SIPA1: variants seen among roughly 807,000 people sequenced by gnomAD.
SIPA1 encodes the protein signal-induced proliferation-associated 1, also known as signal-induced proliferation-associated protein 1.
A neutral mutation model predicts 88.1 loss-of-function variants in SIPA1; 51 were observed. The ratio of observed to expected loss-of-function variants is 0.58; its 90% CI spans 0.46 to 0.73. The LOEUF (loss-of-function observed/expected upper bound fraction) is 0.73. Ranked by LOEUF, SIPA1 falls within the 30% of genes least tolerant of loss-of-function variation. The pLI is 0.00. For synonymous variants in SIPA1, 681 were observed against 664.8 expected, an observed-to-expected ratio of 1.02 and a Z score of -0.37; for missense variants, 1,348 against 1,467.6, an observed-to-expected ratio of 0.92 and a Z score of 1.33.
chr11:65,645,140 G>C lies in SIPA1; in HGVS notation c.1159+11G>C. ...AGCTAGACACCAAAAGTGAGGCCCAGGGGCAGGAGGGGTGGGAGCAGATCT... is the reference window on the plus strand; with the variant it reads ...AGCTAGACACCAAAAGTGAGGCCCACGGGCAGGAGGGGTGGGAGCAGATCT... On this transcript the variant is annotated intron_variant, in intron 5 of 15. Transcript: ENST00000534313. 6.2e-7 allele frequency: 1 copy of C among 1,611,608 alleles called. No individual in the cohort carries two copies. The highest frequency in any genetic ancestry group is 8.5e-7 in the Non-Finnish European group (1 of 1,178,402).
In SIPA1 at chr11:65,645,052, T is replaced by C. The variant is rs1481267439; in HGVS notation, c.1082T>C (p.Met361Thr). The change falls in exon 5 of 16, where the codon ATG (methionine) becomes ACG (threonine). Residue 361 changes from methionine (M) to threonine (T), a missense_variant. Coordinates refer to ENST00000534313, the MANE Select transcript of SIPA1 (RefSeq NM_006747.4). ...YNNQEAGPAF[M>T]QFLTLLGDVV... is the part of the protein sequence containing the mutation. Reference sequence around the variant, plus strand: ...AACCAGGAGGCGGGACCGGCCTTCATGCAGTTTCTCACCTTGCTGGGCGAT... The same window carrying C: ...AACCAGGAGGCGGGACCGGCCTTCACGCAGTTTCTCACCTTGCTGGGCGAT... 1.2e-6 allele frequency: 2 copies of C among 1,614,060 alleles called. No individual in the cohort carries two copies. Among genetic ancestry groups the C allele is most frequent in the Admixed American group, 1.7e-5 (1 of 60,010 alleles).
At position 65,641,403 on chromosome 11, in the gene SIPA1, G is replaced by A. The variant is rs188442678; in HGVS notation, c.482G>A (p.Gly161Glu). The A allele has an allele frequency of 3.0e-4, 476 of 1,613,168 alleles. 5 individuals are homozygous for A. In the East Asian group the frequency reaches 9.4e-3, roughly 32 times the overall value. ...GCTGCCAGCTCGGACCTGCTGCATGGGGCACCTGGCTTTGTGTGTGAGCTC... is the reference window on the plus strand; with the variant it reads ...GCTGCCAGCTCGGACCTGCTGCATGAGGCACCTGGCTTTGTGTGTGAGCTC... Reference protein sequence around the residue: ...DQAASSDLLHGAPGFVCELGG... With the variant: ...DQAASSDLLHEAPGFVCELGG... Residue 161 changes from glycine to glutamate, a missense_variant, in exon 2 of 16, where the codon GGG becomes GAG. By Grantham distance (98) the Gly-to-Glu change is moderately conservative (BLOSUM62 -2). Around this residue, in one of 4 missense-constraint regions of SIPA1, gnomAD observed 641 missense variants for 797.7 expected, o/e 0.80. Transcript: ENST00000534313.
chr11:65,642,133 G>A lies in SIPA1; in HGVS notation c.680-117G>A. ...TACAGAGGGGCGGGACTTAGTCTAG[G>A]GTCAACATTTGGTGGTGAGATGAAG... On this transcript the variant is annotated intron_variant, in intron 2 of 15. Transcript: ENST00000534313. The surrounding 1 kb of genome is among the most constrained non-coding windows in gnomAD (Gnocchi z 6.5). 1 of 1,381,290 alleles carries A rather than the reference G, an allele frequency of 7.2e-7. No homozygotes were observed. Among genetic ancestry groups the A allele is most frequent in the Non-Finnish European group, 9.8e-7 (1 of 1,018,410 alleles). The allele number at this position is 1,381,290 out of a possible 1,614,324, so 85.6% of individuals were successfully genotyped here. A position where few individuals can be genotyped will look rare whatever the true frequency, so the allele number is the denominator to read the frequency against.
At position 65,645,973 on chromosome 11, in the gene SIPA1, A is replaced by G. The variant is rs1359269470; in HGVS notation, c.1263+16A>G. On this transcript the variant is annotated intron_variant, in intron 6 of 15. Coordinates refer to ENST00000534313, the MANE Select transcript of SIPA1 (RefSeq NM_006747.4). ...CCAGCAGCAGGTGTGAGGGGGACCA[A>G]CGTGGGGGTGGGGCTTCCGGGAACC... The G allele has an allele frequency of 5.1e-6, 8 of 1,581,006 alleles. No individual in the cohort carries two copies. The highest frequency in any genetic ancestry group is 1.7e-6 in the Non-Finnish European group (2 of 1,153,710).
rs1590924447 is a variant in SIPA1 at position 65,647,796 on chromosome 11, T to TA, written c.2306+139dup. On this transcript the variant is annotated intron_variant, in intron 9 of 15. Transcript: ENST00000534313. ...CTTCTGGAAAGAATCTCCCGTCTCT[T>TA]AGCCCGTCTGAGCCTGTCTCTTCCT... The TA allele has an allele frequency of 6.6e-6, 4 of 609,214 alleles. No individual in the cohort carries two copies. In the East Asian group the frequency reaches 1.7e-4, roughly 26 times the overall value. The allele number at this position is 609,214 out of a possible 1,614,324, so 37.7% of individuals were successfully genotyped here. A position where few individuals can be genotyped will look rare whatever the true frequency, so the allele number is the denominator to read the frequency against.
chr11:65,650,505 G>A (rs747373623), intron 15 of SIPA1, 26 bp downstream of exon 15: 12 of 1,613,650 alleles, frequency 7.4e-6, no homozygotes, highest in African/African-American at 6.7e-5. Flanking sequence ...AGCTTGGGGG[G>A]AGTCACAGGG....
At chr11:65,650,109 C>T (rs766661731) in intron 13 of SIPA1, 29 bp from the exon 14 acceptor site, 2 of 1,613,996 alleles carry the variant, frequency 1.2e-6, no homozygotes, top group Non-Finnish European at 1.7e-6. Context: ...CCTTTCTGAC[C>T]TGCCCACCTG....
At position 65,647,025 on chromosome 11, in the gene SIPA1, C is replaced by A. The variant is rs1161681660; in HGVS notation, c.1991C>A (p.Ser664Tyr). 1.3e-6 allele frequency: 2 copies of A among 1,542,134 alleles called. No homozygotes were observed. Among genetic ancestry groups the A allele is most frequent in the African/African-American group, 1.4e-5 (1 of 73,370 alleles). The part of the protein sequence containing the change: ...GEAITLRFDG[S>Y]PGQAVGEVVA... ...GCGATCACGCTGCGCTTCGACGGGT[C>A]CCCCGGCCAAGCCGTGGGCGAGGTG... The change falls in exon 8 of 16, where the codon TCC becomes TAC. Residue 664 changes from serine to tyrosine, a missense_variant. By Grantham distance (144) the Ser-to-Tyr change is moderately radical (BLOSUM62 -2). Transcript: ENST00000534313.
At chr11:65,648,879 G>C (rs1856192848) in intron 9 of SIPA1, among the ~76,000 whole-genome samples, 1 of 151,598 alleles carries the variant, frequency 6.6e-6, no homozygotes, top group Admixed American at 6.6e-5. Flanking sequence ...TCGCAGTACA[G>C]AAACTGGCAC....
rs1377955652 is a variant in SIPA1, at chr11:65,645,021, TACA to T, written c.1057_1059del (p.Asn353del). On this transcript the variant is annotated inframe_deletion, in exon 5 of 16. Transcript: ENST00000534313. ...GGGCCAGGGCTCGGAGGAGGAGATG[TACA>T]ACAACCAGGAGGCGGGACCGGCCTT... 6.2e-7 allele frequency: 1 copy of T among 1,613,890 alleles called. No individual in the cohort carries two copies. Among genetic ancestry groups the T allele is most frequent in the Non-Finnish European group, 8.5e-7 (1 of 1,179,946 alleles).
chr11:65,638,215 CT>C, intron 1 of SIPA1, 33 bp downstream of exon 1: 1 of 152,406 alleles, frequency 6.6e-6, no homozygotes, highest in South Asian at 2.1e-4. Flanking sequence ...GGAGGCACTA[CT>C]GTCGGGCCCG....
In SIPA1 at chr11:65,647,656, C is replaced by T; in HGVS notation, c.2304C>T (p.Arg768=). 2.2e-6 allele frequency: 3 copies of T among 1,360,972 alleles called. No homozygotes were observed. Among genetic ancestry groups the T allele is most frequent in the Admixed American group, 3.8e-5 (1 of 26,498 alleles). The allele number at this position is 1,360,972 out of a possible 1,614,324, so 84.3% of individuals were successfully genotyped here. The part of the protein sequence containing the change: ...VLPPDESGRP[R]RSFSELYTLS... ...CCCCCGACGAGAGCGGCCGGCCCCG[C>T]AGGTCAGGGTGCCGGGGACGCGGGG... The change falls in exon 9 of 16, where the codon CGC becomes CGT. Residue 768 remains arginine (R), a splice_region_variant and synonymous_variant. Coordinates refer to ENST00000534313, the MANE Select transcript of SIPA1 (RefSeq NM_006747.4).
chr11:65,650,201 C>A lies in SIPA1; in HGVS notation c.2903+9C>A, dbSNP rs1352266472. On this transcript the variant is annotated intron_variant, in intron 14 of 15. Transcript: ENST00000534313. The stretch of plus-strand genomic sequence containing the variant: ...CCAAAATCTGATGCTGAGTAAGCTC[C>A]CCAACTCCCCACAGCCGCTTTACCT... 6.2e-7 allele frequency: 1 copy of A among 1,613,888 alleles called. No homozygotes were observed. Among genetic ancestry groups the A allele is most frequent in the Non-Finnish European group, 8.5e-7 (1 of 1,179,816 alleles).
In SIPA1 at chr11:65,646,988, G is replaced by T; in HGVS notation, c.1954G>T (p.Gly652Cys). The stretch of plus-strand genomic sequence containing the variant: ...CGAGCAGCAGCTGGACCTGTACCAC[G>T]GCCGCGGGGAGGCGATCACGCTGCG... ...FSEQQLDLYH[G>C]RGEAITLRFD... Residue 652 changes from glycine to cysteine, a missense_variant, in exon 8 of 16, where the codon GGC (glycine) becomes TGC (cysteine). Gly to Cys is a radical substitution (Grantham distance 159). Coordinates refer to ENST00000534313, the MANE Select transcript of SIPA1 (RefSeq NM_006747.4). The surrounding 1 kb of genome is among the most constrained non-coding windows in gnomAD (Gnocchi z 7.5). 6.5e-7 allele frequency: 1 copy of T among 1,539,926 alleles called. No homozygotes were observed. The highest frequency in any genetic ancestry group is 8.7e-7 in the Non-Finnish European group (1 of 1,148,514).
In SIPA1 at chr11:65,646,961, T is replaced by A; in HGVS notation, c.1927T>A (p.Ser643Thr). 6.5e-7 allele frequency: 1 copy of A among 1,539,352 alleles called. No homozygotes were observed. The highest frequency in any genetic ancestry group is 2.4e-5 in the East Asian group (1 of 41,258). ...ACRDVLAWTF[S>T]EQQLDLYHGR... is the part of the protein sequence containing the mutation. ...TCGCGACGTGCTGGCCTGGACCTTC[T>A]CCGAGCAGCAGCTGGACCTGTACCA... The change falls in exon 8 of 16, where the codon TCC becomes ACC. Residue 643 changes from serine to threonine, a missense_variant. By Grantham distance (58) the Ser-to-Thr change is moderately conservative (BLOSUM62 1). Coordinates refer to ENST00000534313, the MANE Select transcript of SIPA1 (RefSeq NM_006747.4). This position sits in a 1 kb window ranked among gnomAD's most constrained non-coding sequence, Gnocchi z 7.5.
At chr11:65,648,245 C>T (rs764005477) in intron 9 of SIPA1, among the ~76,000 whole-genome samples, 2 of 152,070 alleles carry the variant, frequency 1.3e-5, no homozygotes, top group Non-Finnish European at 2.9e-5. Context: ...AAATAGCAGC[C>T]CCCACTATCT....
chr11:65,640,677 C>T (rs1033929044), intron 1 of SIPA1, 154 bp from the exon 2 acceptor site: 8 of 485,018 alleles, frequency 1.6e-5, no homozygotes, highest in Admixed American at 7.9e-5. Flanking sequence ...GAAACTTTAG[C>T]CCTAGGCAGA....
At position 65,650,648 on chromosome 11, in the gene SIPA1, A is replaced by G. The variant is rs1856249884; in HGVS notation, c.3062A>G (p.Glu1021Gly). Residue 1021 changes from glutamate to glycine, a missense_variant, in exon 16 of 16, where the codon GAG (glutamate) becomes GGG (glycine). Glu to Gly is a moderately conservative substitution (Grantham distance 98). Coordinates refer to ENST00000534313, the MANE Select transcript of SIPA1 (RefSeq NM_006747.4). Reference protein sequence around the residue: ...HNNRRLQAESESAATRLLLAS... With the variant: ...HNNRRLQAESGSAATRLLLAS... ...AACCGGCGGCTGCAGGCGGAGTCTGAGAGTGCAGCCACACGCCTCCTCCTG... is the reference window on the plus strand; with the variant it reads ...AACCGGCGGCTGCAGGCGGAGTCTGGGAGTGCAGCCACACGCCTCCTCCTG... The G allele has an allele frequency of 3.8e-6, 6 of 1,574,412 alleles. No individual in the cohort carries two copies. The highest frequency in any genetic ancestry group is 4.3e-6 in the Non-Finnish European group (5 of 1,159,994).
intron 5 of SIPA1, 138 bp from the exon 6 acceptor site, chr11:65,645,716 C>A: frequency 1.7e-6 from 1 of 589,612 alleles, no homozygotes; most frequent in East Asian, 2.9e-5. Flanking sequence ...GCTGGCTGGG[C>A]ATTGGCTGGT....
Sources: allele counts gnomAD v4.1 joint callset (sites outside exome capture counted in the v4.1 genomes callset), GRCh38; gene constraint gnomAD v4.1.1; regional missense constraint gnomAD v4.1.1; non-coding constraint Gnocchi (gnomAD v3.1); transcripts MANE v1.5; gene names NCBI Gene and HGNC (gene_info 2026-07-23, HGNC 2026-07-21).